Variants in PCLO observed in about 807,000 individuals in gnomAD.
PCLO encodes piccolo presynaptic cytomatrix protein, also known as protein piccolo.
Under a neutral mutation model 427.5 loss-of-function variants are expected in PCLO, and 82 were observed. That is an observed-to-expected ratio of 0.19 (90% CI 0.16 to 0.23). PCLO has a LOEUF of 0.23. Ranked by LOEUF, PCLO falls within the 10% of genes least tolerant of loss-of-function variation. The pLI, the probability that PCLO is intolerant of heterozygous loss-of-function variation, is 1.00. For missense variants in PCLO, 6,239 were observed against 6,115.9 expected (o/e 1.02, Z -0.67); for synonymous variants, 2,357 against 2,155.4 (o/e 1.09, Z -2.59).
At chr7:83,010,170 G>A (rs1306252315) in intron 3 of PCLO, among the ~76,000 whole-genome samples, 1 of 151,840 alleles carries the variant, frequency 6.6e-6, no homozygotes, top group East Asian at 1.9e-4. Flanking sequence ...AAATATCAGT[G>A]TTTCCTAGCA....
chr7:82,780,794 A>G (rs912985954), intron 22 of PCLO, among the ~76,000 whole-genome samples: 2 of 152,254 alleles, frequency 1.3e-5, no homozygotes, highest in Non-Finnish European at 1.5e-5. Flanking sequence ...TGGTAAAGAC[A>G]GTATCTGTTA....
intron 3 of PCLO, among the ~76,000 whole-genome samples, chr7:83,038,051 CTTTATATATATA>C (rs1171835559): frequency 2.1e-4 from 3 of 14,122 alleles, no homozygotes; most frequent in African/African-American, 1.6e-3. Context: ...ATATATATAT[CTTTATATATATA>C]TTTATATATT....
chr7:82,845,636 G>A (rs1056998457), intron 12 of PCLO, among the ~76,000 whole-genome samples, 151 bp from the exon 13 acceptor site: 11 of 152,096 alleles, frequency 7.2e-5, no homozygotes, highest in Non-Finnish European at 1.6e-4. Context: ...GTACTTTTAT[G>A]TATCAATTTC....
intron 9 of PCLO, among the ~76,000 whole-genome samples, chr7:82,890,425 C>T (rs1209718339): frequency 6.6e-6 from 1 of 151,582 alleles, no homozygotes; most frequent in Non-Finnish European, 1.5e-5. Context: ...AGGACTGTAC[C>T]ACAGACTTTT....
Position 83,162,470 on chromosome 7 carries a change from C to T in PCLO, c.123G>A (p.Met41Ile). The change falls in exon 1 of 25, where the codon ATG becomes ATA. Residue 41 changes from methionine to isoleucine, a missense_variant. Physicochemically the swap from Met to Ile is conservative, Grantham distance 10 (BLOSUM62 1). Transcript: ENST00000333891. ...SPSHTAIPAG[M>I]EADLSQLSEE... ...CGCTCAGCTGGCTCAAATCCGCCTC[C>T]ATGCCGGCCGGGATCGCGGTGTGAG... 1 of 1,586,744 alleles carries T rather than the reference C, an allele frequency of 6.3e-7. No homozygotes were observed. Among genetic ancestry groups the T allele is most frequent in the South Asian group, 1.1e-5 (1 of 87,154 alleles).
chr7:83,092,673 G>C (rs895629566), intron 3 of PCLO, among the ~76,000 whole-genome samples: 6 of 152,086 alleles, frequency 3.9e-5, no homozygotes, highest in Non-Finnish European at 7.4e-5. Flanking sequence ...AAGCAGGCCA[G>C]GCACGGTGGC....
chr7:82,828,269 C>T lies in PCLO; in HGVS notation c.14250-303G>A, dbSNP rs150949063. Among the ~76,000 whole-genome samples the T allele has an allele frequency of 2.0e-3, 301 of 152,050 alleles. 5 individuals carry two copies. The highest frequency in any genetic ancestry group is 6.8e-3 in the African/African-American group (284 of 41,514). On this transcript the variant is annotated intron_variant, in intron 16 of 24. Transcript: ENST00000333891. The stretch of plus-strand genomic sequence containing the variant: ...CATTCCTGAATGTAGGAGATAATTA[C>T]ATGAACTAAATAGTAACATCAATGT...
intron 4 of PCLO, among the ~76,000 whole-genome samples, chr7:82,960,181 C>T (rs540645368): frequency 1.1e-4 from 17 of 152,208 alleles, no homozygotes; most frequent in South Asian, 6.2e-4. Flanking sequence ...TTTATTTTGA[C>T]GGGCTAAAAT....
At chr7:82,846,003 A>AC (rs1792491819) in intron 12 of PCLO, among the ~76,000 whole-genome samples, 1 of 151,850 alleles carries the variant, frequency 6.6e-6, no homozygotes, top group Non-Finnish European at 1.5e-5. Context: ...TGCTCAACAA[A>AC]ATTTATTAAA....
intron 3 of PCLO, among the ~76,000 whole-genome samples, chr7:83,048,793 C>T (rs534915077): frequency 4.0e-4 from 61 of 152,106 alleles, no homozygotes; most frequent in African/African-American, 1.4e-3. Flanking sequence ...TTAAAGAGCA[C>T]CATATTACAA....
intron 3 of PCLO, among the ~76,000 whole-genome samples, chr7:83,013,777 T>G (rs560318548): frequency 6.6e-6 from 1 of 152,330 alleles, no homozygotes; most frequent in East Asian, 1.9e-4. Context: ...AACGTTTGTG[T>G]GAATAAACAA....
Position 83,049,066 on chromosome 7 carries a change from G to A in PCLO, c.3301-82579C>T, listed in dbSNP as rs75299061. On this transcript the variant is annotated intron_variant, in intron 3 of 24. Transcript: ENST00000333891. Reference sequence around the variant, plus strand: ...TTTGTATTTTGATCAAGCTGACTTAGCCACCAGCTGCTGTTTTTTCACTAA... The same window carrying A: ...TTTGTATTTTGATCAAGCTGACTTAACCACCAGCTGCTGTTTTTTCACTAA... 2.0e-3 allele frequency among the ~76,000 whole-genome samples: 299 copies of A among 152,188 alleles called. 10 individuals carry two copies. In the East Asian group the frequency reaches 0.04, roughly 20 times the overall value.
intron 3 of PCLO, among the ~76,000 whole-genome samples, chr7:82,989,347 C>T (rs1387442882): frequency 1.3e-5 from 2 of 151,892 alleles, no homozygotes; most frequent in African/African-American, 2.4e-5. Flanking sequence ...AAAGGTTCTA[C>T]CATTTTATTA....
intron 3 of PCLO, among the ~76,000 whole-genome samples, chr7:83,028,322 CAG>C (rs1353741591): frequency 1.3e-3 from 190 of 149,538 alleles, no homozygotes; most frequent in Non-Finnish European, 2.0e-3. Context: ...AACAGACAAA[CAG>C]AGAGCCAAAT....
rs750671724 is a variant in PCLO, at chr7:82,966,214, C to G, written c.3574G>C (p.Asp1192His). The G allele has an allele frequency of 1.9e-6, 3 of 1,607,582 alleles. No homozygotes were observed. In the African/African-American group the frequency reaches 4.1e-5, roughly 22 times the overall value. The change falls in exon 4 of 25, where the codon GAT (aspartate) becomes CAT (histidine). Residue 1192 changes from aspartate to histidine, a missense_variant. Transcript: ENST00000333891. ...AGTTTACTCTCTTCTTGTTTTTGAT[C>G]TGTGGTTACCATAGGAGGAATTTTT... ...MEKIPPMVTT[D>H]QKQEESKLEK...
chr7:82,776,921 C>G (rs140398185), intron 22 of PCLO, among the ~76,000 whole-genome samples: 1 of 151,806 alleles, frequency 6.6e-6, no homozygotes, highest in Non-Finnish European at 1.5e-5. Context: ...CACACACACA[C>G]ACACACACAC....
intron 3 of PCLO, among the ~76,000 whole-genome samples, chr7:83,123,766 A>G (rs980498611): frequency 1.3e-5 from 2 of 152,098 alleles, no homozygotes; most frequent in African/African-American, 4.8e-5. Flanking sequence ...GCTGAAACAA[A>G]TCCATAGAAA....
chr7:83,147,052 A>G (rs889219870), intron 2 of PCLO, among the ~76,000 whole-genome samples: 1 of 150,266 alleles, frequency 6.7e-6, no homozygotes, highest in Non-Finnish European at 1.5e-5. Context: ...TAAAAGCTGA[A>G]GGTATAAAAA....
At chr7:82,793,606 C>T (rs1791153713) in intron 22 of PCLO, among the ~76,000 whole-genome samples, 1 of 152,088 alleles carries the variant, frequency 6.6e-6, no homozygotes, top group Non-Finnish European at 1.5e-5. Flanking sequence ...AATGTCTGTA[C>T]CCCAAAATAC....
Sources: allele counts gnomAD v4.1 joint callset (sites outside exome capture counted in the v4.1 genomes callset), GRCh38; gene constraint gnomAD v4.1.1; transcripts MANE v1.5; gene names NCBI Gene and HGNC (gene_info 2026-07-23, HGNC 2026-07-21).